Variants in USP6NL observed in about 807,000 individuals in gnomAD.
The protein encoded by USP6NL is USP6 N-terminal-like protein.
Under a neutral mutation model 61.9 loss-of-function variants are expected in USP6NL, and 26 were observed. The ratio of observed to expected loss-of-function variants is 0.42; its 90% CI spans 0.31 to 0.58. The LOEUF (loss-of-function observed/expected upper bound fraction) is 0.58, where lower values mean the gene tolerates loss of function less well. USP6NL is among the 20% of genes least tolerant of loss of function. USP6NL has a pLI of 0.16. For missense variants in USP6NL, 1,114 were observed against 1,034.3 expected (o/e 1.08, Z -1.06); for synonymous variants, 432 against 390.1 (o/e 1.11, Z -1.27).
At chr10:11,550,191 G>A (rs544219371) in intron 2 of USP6NL, among the ~76,000 whole-genome samples, 46 of 152,226 alleles carry the variant, frequency 3.0e-4, no homozygotes, top group Middle Eastern at 3.4e-3. Flanking sequence ...AGAAAATATA[G>A]GAGATAATCT....
intron 6 of USP6NL, among the ~76,000 whole-genome samples, chr10:11,505,835 G>A (rs1037640909): frequency 4.6e-5 from 7 of 152,150 alleles, no homozygotes; most frequent in Non-Finnish European, 8.8e-5. Flanking sequence ...GCGAGTGTGC[G>A]CCATGAAACA....
In USP6NL at chr10:11,461,167, G is replaced by A. The variant is rs1471455523; in HGVS notation, c.*1274C>T. On this transcript the variant is annotated 3_prime_UTR_variant, in exon 15 of 15. Coordinates refer to ENST00000609104, the MANE Select transcript of USP6NL (RefSeq NM_014688.5). Reference sequence around the variant, plus strand: ...AAACACGAAGTCATACTCTCTTGGAGTGCCTAAATCTTTGTCAGTGTTTTG... The same window carrying A: ...AAACACGAAGTCATACTCTCTTGGAATGCCTAAATCTTTGTCAGTGTTTTG... 2 of 152,482 alleles carry A rather than the reference G, an allele frequency of 1.3e-5. No homozygotes were observed. The highest frequency in any genetic ancestry group is 6.5e-5 in the Admixed American group (1 of 15,276). 9.4% of individuals were successfully genotyped at this position (152,482 alleles called of 1,614,324 possible). A position where few individuals can be genotyped will look rare whatever the true frequency, so the allele number is the denominator to read the frequency against.
At position 11,532,716 on chromosome 10, in the gene USP6NL, C is replaced by G. The variant is rs1303710149; in HGVS notation, c.5-5149G>C. 6.6e-6 allele frequency among the ~76,000 whole-genome samples: 1 copy of G among 152,094 alleles called. No individual in the cohort carries two copies. Among genetic ancestry groups the G allele is most frequent in the African/African-American group, 2.4e-5 (1 of 41,386 alleles). The stretch of plus-strand genomic sequence containing the variant: ...ACATTAAAGCTAACCAGAAATGCTC[C>G]TCTCCTCAAATACATTTTATATCTT... On this transcript the variant is annotated intron_variant, in intron 2 of 14. Coordinates refer to ENST00000609104, the MANE Select transcript of USP6NL (RefSeq NM_014688.5). This position sits in a 1 kb window ranked among gnomAD's most constrained non-coding sequence, Gnocchi z 4.1.
chr10:11,608,030 C>CT (rs1484769466), intron 1 of USP6NL, among the ~76,000 whole-genome samples: 1 of 152,170 alleles, frequency 6.6e-6, no homozygotes, highest in African/African-American at 2.4e-5. Context: ...CAAACGAAAA[C>CT]TACTTGCCAC....
At chr10:11,529,120 C>G (rs74970379) in intron 2 of USP6NL, among the ~76,000 whole-genome samples, 1 of 151,958 alleles carries the variant, frequency 6.6e-6, no homozygotes, top group Admixed American at 6.6e-5. Flanking sequence ...ATTGCTGAAT[C>G]TTTAAGCCAA....
chr10:11,608,181 A>T (rs1365951986), intron 1 of USP6NL, among the ~76,000 whole-genome samples: 2 of 152,220 alleles, frequency 1.3e-5, no homozygotes, highest in Admixed American at 1.3e-4. Flanking sequence ...TAAATCAAAG[A>T]ATATTTTATT....
chr10:11,575,377 T>C lies in USP6NL; in HGVS notation c.4+22254A>G, dbSNP rs975733861. Among the ~76,000 whole-genome samples, 2 of 152,224 alleles carry C rather than the reference T, an allele frequency of 1.3e-5. No individual in the cohort carries two copies. Among genetic ancestry groups the C allele is most frequent in the Admixed American group, 6.5e-5 (1 of 15,282 alleles). On this transcript the variant is annotated intron_variant, in intron 2 of 14. Coordinates refer to ENST00000609104, the MANE Select transcript of USP6NL (RefSeq NM_014688.5). The surrounding 1 kb of genome is among the most constrained non-coding windows in gnomAD (Gnocchi z 4.2). ...AATCATGTTTCCAGCTCCTGAGAAA[T>C]TACTTCCTCTCTTCTGGAGAGAAGA...
chr10:11,504,777 T>G (rs1834364413), intron 6 of USP6NL, among the ~76,000 whole-genome samples: 1 of 152,200 alleles, frequency 6.6e-6, no homozygotes, highest in South Asian at 2.1e-4. Flanking sequence ...AATTATAACT[T>G]AAACAGAGAA....
rs1444165805 is a variant in USP6NL, at chr10:11,528,587, A to G, written c.5-1020T>C. Among the ~76,000 whole-genome samples, 5 of 152,224 alleles carry G rather than the reference A, an allele frequency of 3.3e-5. No homozygotes were observed. Among genetic ancestry groups the G allele is most frequent in the African/African-American group, 9.6e-5 (4 of 41,456 alleles). On this transcript the variant is annotated intron_variant, in intron 2 of 14. Transcript: ENST00000609104. This position sits in a 1 kb window ranked among gnomAD's most constrained non-coding sequence, Gnocchi z 4.6. Reference sequence around the variant, plus strand: ...GTCCACAGGCATAAAGCTAATAAACAGCAAAGACAGTTTTCAAATCCAGAC... The same window carrying G: ...GTCCACAGGCATAAAGCTAATAAACGGCAAAGACAGTTTTCAAATCCAGAC...
chr10:11,481,034 C>G lies in USP6NL; in HGVS notation c.1078+736G>C, dbSNP rs1833175517. Among the ~76,000 whole-genome samples the G allele has an allele frequency of 6.6e-6, 1 of 152,152 alleles. No homozygotes were observed. The highest frequency in any genetic ancestry group is 6.5e-5 in the Admixed American group (1 of 15,284). On this transcript the variant is annotated intron_variant, in intron 14 of 14. Coordinates refer to ENST00000609104, the MANE Select transcript of USP6NL (RefSeq NM_014688.5). This position sits in a 1 kb window ranked among gnomAD's most constrained non-coding sequence, Gnocchi z 4.4. ...TGCACTCCCCTTCTTCTGCTCCTCT[C>G]CCATTTACCCTGCGGCTAGCTCTAG...
intron 6 of USP6NL, among the ~76,000 whole-genome samples, chr10:11,503,423 A>G (rs868070526): frequency 2.6e-5 from 4 of 152,140 alleles, no homozygotes; most frequent in Non-Finnish European, 5.9e-5. Context: ...ACATTTAGGG[A>G]AAAAAACTCC....
chr10:11,539,570 A>G (rs191104832), intron 2 of USP6NL, among the ~76,000 whole-genome samples: 33 of 152,404 alleles, frequency 2.2e-4, no homozygotes, highest in Non-Finnish European at 4.1e-4. Context: ...ATATGAGTGC[A>G]ATCCCACATT....
intron 2 of USP6NL, among the ~76,000 whole-genome samples, chr10:11,535,862 T>C (rs920853140): frequency 2.2e-4 from 33 of 152,354 alleles, no homozygotes; most frequent in African/African-American, 7.9e-4. Flanking sequence ...ACTTCCTCAC[T>C]GTACCACAGA....
Position 11,499,488 on chromosome 10 carries a change from G to A in USP6NL, c.384+1613C>T, listed in dbSNP as rs370759653. On this transcript the variant is annotated intron_variant, in intron 7 of 14. Transcript: ENST00000609104. The surrounding 1 kb of genome is among the most constrained non-coding windows in gnomAD (Gnocchi z 4.5). ...CAAAACTCATGTCCACCAAGAACCT[G>A]TGACTGTGACCTCATCTGGAAATGG... Among the ~76,000 whole-genome samples the A allele has an allele frequency of 1.3e-5, 2 of 152,214 alleles. No individual in the cohort carries two copies. The highest frequency in any genetic ancestry group is 1.9e-4 in the East Asian group (1 of 5,202).
In USP6NL at chr10:11,513,851, C is replaced by T. The variant is rs183234750; in HGVS notation, c.196-4176G>A. On this transcript the variant is annotated intron_variant, in intron 5 of 14. Coordinates refer to ENST00000609104, the MANE Select transcript of USP6NL (RefSeq NM_014688.5). The surrounding 1 kb of genome is among the most constrained non-coding windows in gnomAD (Gnocchi z 4.7). ...ACTCGGAATCCAATCATGCATTCGGCATTGCCTTTGCTGGCAGGTCCCCAA... is the reference window on the plus strand; with the variant it reads ...ACTCGGAATCCAATCATGCATTCGGTATTGCCTTTGCTGGCAGGTCCCCAA... Among the ~76,000 whole-genome samples the T allele has an allele frequency of 7.2e-5, 11 of 152,308 alleles. No homozygotes were observed. In the East Asian group the frequency reaches 2.1e-3, roughly 29 times the overall value.
intron 2 of USP6NL, among the ~76,000 whole-genome samples, chr10:11,544,478 A>C (rs1276574235): frequency 6.6e-6 from 1 of 152,006 alleles, no homozygotes; most frequent in African/African-American, 2.4e-5. Context: ...CAGTAATCTA[A>C]ATTTTCTCTC....
Position 11,589,018 on chromosome 10 carries a change from T to G in USP6NL, c.4+8613A>C, listed in dbSNP as rs76039994. ...ACACTGATTATTTTAAAAACCACAATGGCCCTATTGCCCCCATGTATGGAA... is the reference window on the plus strand; with the variant it reads ...ACACTGATTATTTTAAAAACCACAAGGGCCCTATTGCCCCCATGTATGGAA... On this transcript the variant is annotated intron_variant, in intron 2 of 14. Coordinates refer to ENST00000609104, the MANE Select transcript of USP6NL (RefSeq NM_014688.5). This position sits in a 1 kb window ranked among gnomAD's most constrained non-coding sequence, Gnocchi z 4.7. 4.9e-3 allele frequency among the ~76,000 whole-genome samples: 748 copies of G among 152,270 alleles called. 4 individuals carry two copies. Among genetic ancestry groups the G allele is most frequent in the African/African-American group, 0.017 (712 of 41,552 alleles).
chr10:11,497,735 G>C (rs1044771105), intron 7 of USP6NL, among the ~76,000 whole-genome samples: 1 of 152,106 alleles, frequency 6.6e-6, no homozygotes, highest in East Asian at 1.9e-4. Context: ...ATGTTTATAA[G>C]CTAATGCATG....
At chr10:11,529,456 A>T (rs1000315220) in intron 2 of USP6NL, among the ~76,000 whole-genome samples, 2 of 152,264 alleles carry the variant, frequency 1.3e-5, no homozygotes, top group Non-Finnish European at 2.9e-5. Flanking sequence ...AAACAAGCGC[A>T]AGGTTGTTTA....
Sources: gnomAD v4.1 joint callset for allele counts (sites outside exome capture counted in the v4.1 genomes callset) on GRCh38, gnomAD v4.1.1 for gene constraint, Gnocchi (gnomAD v3.1) non-coding constraint, MANE v1.5 for transcripts, NCBI Gene and HGNC (gene_info 2026-07-23, HGNC 2026-07-21) for gene names.